Variants in SNTG1 observed in about 807,000 individuals in gnomAD.
SNTG1 encodes the protein syntrophin gamma 1, also known as gamma-1-syntrophin.
SNTG1 carries 39 observed loss-of-function variants against 74.7 expected under a neutral mutation model. The observed-to-expected ratio is 0.52, with a 90% CI of 0.40 to 0.68. The LOEUF is 0.68. Among genes scored for constraint, SNTG1 ranks in the 30% least tolerant of loss-of-function variants. SNTG1 has a pLI of 0.00. For missense variants in SNTG1, 685 were observed against 609.5 expected (o/e 1.12, Z -1.30); for synonymous variants, 254 against 217.1 (o/e 1.17, Z -1.49).
intron 6 of SNTG1, 133 bp from the exon 7 acceptor site, chr8:50,450,423 T>C: frequency 1.2e-6 from 1 of 867,928 alleles, no homozygotes; most frequent in East Asian, 2.7e-5. Context: ...TTTTTGTGGA[T>C]CTTTTAAGAT....
chr8:50,396,003 T>C (rs1304832874), intron 3 of SNTG1, among the ~76,000 whole-genome samples: 1 of 152,222 alleles, frequency 6.6e-6, no homozygotes, highest in Non-Finnish European at 1.5e-5. Context: ...ATTTAACAAA[T>C]GGTTTATTTT....
rs572969093 is a variant in SNTG1 at position 50,656,573 on chromosome 8, A to G, written c.850-336A>G. 2.0e-5 allele frequency among the ~76,000 whole-genome samples: 3 copies of G among 152,300 alleles called. No homozygotes were observed. In the South Asian group the frequency reaches 6.2e-4, roughly 32 times the overall value. On this transcript the variant is annotated intron_variant, in intron 13 of 18. Transcript: ENST00000642720. ...TGTCAGTAATTGGTAAACAAGTGCG[A>G]TGCATCAATGAATTCTATTATAAAT...
At chr8:50,160,432 ACCT>A (rs2082379513) in intron 1 of SNTG1, among the ~76,000 whole-genome samples, 1 of 152,108 alleles carries the variant, frequency 6.6e-6, no homozygotes, top group African/African-American at 2.4e-5. Flanking sequence ...CAAGAAGAAA[ACCT>A]CTCAGTTTTC....
At chr8:50,616,017 C>T (rs1032167858) in intron 13 of SNTG1, among the ~76,000 whole-genome samples, 4 of 152,202 alleles carry the variant, frequency 2.6e-5, no homozygotes, top group African/African-American at 9.6e-5. Flanking sequence ...AGGCTTGAGA[C>T]ACAATTTCTT....
intron 2 of SNTG1, among the ~76,000 whole-genome samples, chr8:50,283,286 C>A (rs534944547): frequency 6.6e-6 from 1 of 152,100 alleles, no homozygotes; most frequent in Non-Finnish European, 1.5e-5. Flanking sequence ...CCTAGTTCAA[C>A]GGGATGGTTT....
At chr8:50,360,723 C>A (rs2091933160) in intron 2 of SNTG1, among the ~76,000 whole-genome samples, 1 of 152,086 alleles carries the variant, frequency 6.6e-6, no homozygotes, top group South Asian at 2.1e-4. Context: ...CCAAACATAT[C>A]TAAACATGGA....
At chr8:49,956,105 C>T (rs946790947) in intron 1 of SNTG1, among the ~76,000 whole-genome samples, 15 of 152,130 alleles carry the variant, frequency 9.9e-5, no homozygotes, top group African/African-American at 1.4e-4. Context: ...CAGGTTTCAC[C>T]GATACTAAGA....
intron 2 of SNTG1, among the ~76,000 whole-genome samples, chr8:50,305,346 C>T (rs2089843352): frequency 6.6e-6 from 1 of 151,980 alleles, no homozygotes; most frequent in African/African-American, 2.4e-5. Flanking sequence ...GGTGATAAAA[C>T]AGTTTTTTTA....
chr8:50,780,036 C>T (rs2095654087), intron 18 of SNTG1, among the ~76,000 whole-genome samples: 1 of 152,202 alleles, frequency 6.6e-6, no homozygotes, highest in African/African-American at 2.4e-5. Context: ...AGCAGCCTTG[C>T]ATCCTAGGGA....
chr8:49,917,186 A>G (rs964272491), intron 1 of SNTG1, among the ~76,000 whole-genome samples: 5 of 152,114 alleles, frequency 3.3e-5, no homozygotes, highest in Non-Finnish European at 5.9e-5. Flanking sequence ...TTTGTCATCA[A>G]TTGGTTGTGT....
At chr8:49,967,950 T>C (rs2129871497) in intron 1 of SNTG1, among the ~76,000 whole-genome samples, 1 of 152,302 alleles carries the variant, frequency 6.6e-6, no homozygotes, top group East Asian at 1.9e-4. Context: ...TCTACACAGA[T>C]ACAAGAGCGA....
At chr8:50,461,158 T>G (rs1362646718) in intron 8 of SNTG1, among the ~76,000 whole-genome samples, 1 of 6,112 alleles carries the variant, frequency 1.6e-4, no homozygotes, top group African/African-American at 2.7e-4. Context: ...ATTTTTCTGG[T>G]GTGTGTGTGT....
chr8:50,057,979 T>C (rs1452254340), intron 1 of SNTG1, among the ~76,000 whole-genome samples: 2 of 152,194 alleles, frequency 1.3e-5, no homozygotes, highest in Non-Finnish European at 2.9e-5. Context: ...TGATAAAGCA[T>C]TTACACATGT....
intron 4 of SNTG1, among the ~76,000 whole-genome samples, chr8:50,402,996 T>A (rs893590431): frequency 9.2e-5 from 14 of 152,190 alleles, no homozygotes; most frequent in African/African-American, 3.4e-4. Flanking sequence ...ATGGAAGACA[T>A]CCTTAGATGA....
chr8:50,502,459 C>A (rs1289230980), intron 8 of SNTG1, among the ~76,000 whole-genome samples: 1 of 152,150 alleles, frequency 6.6e-6, no homozygotes, highest in African/African-American at 2.4e-5. Flanking sequence ...GTGACCTGAA[C>A]ATTCTATCTG....
At chr8:50,403,962 G>A (rs1163648854) in intron 4 of SNTG1, among the ~76,000 whole-genome samples, 1 of 152,050 alleles carries the variant, frequency 6.6e-6, no homozygotes, top group Non-Finnish European at 1.5e-5. Flanking sequence ...AGTCACAAAC[G>A]ATATATAAAG....
In SNTG1 at chr8:50,439,935, G is replaced by A. The variant is rs372835051; in HGVS notation, c.219+1336G>A. Among the ~76,000 whole-genome samples, 3 of 150,430 alleles carry A rather than the reference G, an allele frequency of 2.0e-5. No individual in the cohort carries two copies. In the East Asian group the frequency reaches 5.8e-4, roughly 29 times the overall value. ...CTAGAAATGTTCTTTTCCTTTTTTT[G>A]TTGTTTTTCGTATTTTAAATTTAAA... On this transcript the variant is annotated intron_variant, in intron 5 of 18. Coordinates refer to ENST00000642720, the MANE Select transcript of SNTG1 (RefSeq NM_018967.5).
chr8:50,546,383 TTTA>T (rs545801232), intron 11 of SNTG1, among the ~76,000 whole-genome samples: 20 of 151,570 alleles, frequency 1.3e-4, no homozygotes, highest in African/African-American at 3.2e-4. Context: ...GGAAGACTTT[TTTA>T]TTATTATTAT....
intron 2 of SNTG1, among the ~76,000 whole-genome samples, chr8:50,323,203 A>G (rs1587127525): frequency 6.6e-6 from 1 of 151,420 alleles, no homozygotes; most frequent in African/African-American, 2.4e-5. Context: ...ACTTATTTCA[A>G]TCTCTTTGTT....
Sources: allele counts gnomAD v4.1 joint callset (sites outside exome capture counted in the v4.1 genomes callset), GRCh38; gene constraint gnomAD v4.1.1; transcripts MANE v1.5; gene names NCBI Gene and HGNC (gene_info 2026-07-23, HGNC 2026-07-21).